Variants in SNTG2 observed in about 807,000 individuals in gnomAD.
SNTG2 encodes the protein gamma-2-syntrophin.
In SNTG2, 74 loss-of-function variants were observed where a neutral mutation model predicts 70.9. The observed-to-expected ratio is 1.04, with a 90% CI of 0.86 to 1.27. The LOEUF (loss-of-function observed/expected upper bound fraction) is 1.27, where lower values mean the gene tolerates loss of function less well. SNTG2 is among the 50% of genes most tolerant of loss of function. The pLI, the probability that SNTG2 is intolerant of heterozygous loss-of-function variation, is 0.00. For synonymous variants in SNTG2, 278 were observed against 273.8 expected (o/e 1.02, Z -0.15); for missense variants, 717 against 690.7 (o/e 1.04, Z -0.43).
intron 8 of SNTG2, among the ~76,000 whole-genome samples, chr2:1,186,406 A>T (rs1672254140): frequency 6.6e-6 from 1 of 152,222 alleles, no homozygotes; most frequent in Non-Finnish European, 1.5e-5. Flanking sequence ...TCTTTATAGC[A>T]ATACCTTAGC....
intron 4 of SNTG2, among the ~76,000 whole-genome samples, chr2:1,112,874 G>A (rs905554613): frequency 1.3e-5 from 2 of 151,462 alleles, no homozygotes; most frequent in South Asian, 2.1e-4. Flanking sequence ...GAGAAGAATC[G>A]TGTGTACTAA....
At chr2:1,286,267 C>A (rs756174449) in intron 14 of SNTG2, among the ~76,000 whole-genome samples, 7 of 152,148 alleles carry the variant, frequency 4.6e-5, no homozygotes, top group Non-Finnish European at 8.8e-5. Context: ...CCCCTTGATT[C>A]TTGGACCCGT....
chr2:1,069,655 A>G (rs566254629), intron 1 of SNTG2, among the ~76,000 whole-genome samples: 107 of 152,058 alleles, frequency 7.0e-4, no homozygotes, highest in African/African-American at 2.2e-3. Flanking sequence ...GCTGGGCAGG[A>G]TGACACGTGC....
chr2:1,122,739 AAAAG>A (rs1195317879), intron 4 of SNTG2, among the ~76,000 whole-genome samples: 3 of 119,842 alleles, frequency 2.5e-5, no homozygotes, highest in Non-Finnish European at 3.5e-5. Context: ...AAAAAAAAAA[AAAAG>A]GCATCCGAAT....
chr2:1,101,319 A>G (rs1185629239), intron 4 of SNTG2, among the ~76,000 whole-genome samples: 2 of 152,038 alleles, frequency 1.3e-5, no homozygotes, highest in African/African-American at 2.4e-5. Context: ...ATGAACTTAC[A>G]TGGTTCCTCC....
chr2:1,268,704 G>A (rs1678873968), intron 14 of SNTG2, among the ~76,000 whole-genome samples: 1 of 152,204 alleles, frequency 6.6e-6, no homozygotes, highest in Non-Finnish European at 1.5e-5. Context: ...TCATCTCAGG[G>A]ACTTACTCAA....
intron 16 of SNTG2, among the ~76,000 whole-genome samples, chr2:1,327,595 A>C (rs1364044340): frequency 1.3e-5 from 2 of 152,202 alleles, no homozygotes; most frequent in Non-Finnish European, 2.9e-5. Context: ...GGGACATTAG[A>C]CAAATCCAGC....
At chr2:1,012,083 A>G (rs554799473) in intron 1 of SNTG2, among the ~76,000 whole-genome samples, 1 of 152,244 alleles carries the variant, frequency 6.6e-6, no homozygotes, top group African/African-American at 2.4e-5. Flanking sequence ...TCTCTAAATC[A>G]TAAGCAAATT....
intron 9 of SNTG2, 114 bp downstream of exon 9, chr2:1,209,344 G>T: frequency 7.9e-7 from 1 of 1,268,288 alleles, no homozygotes; most frequent in South Asian, 1.4e-5. Flanking sequence ...GCAAGTGTGC[G>T]TGCTGTCTTC....
intron 14 of SNTG2, among the ~76,000 whole-genome samples, chr2:1,282,655 A>ATC: frequency 6.9e-6 from 1 of 145,636 alleles, no homozygotes; most frequent in South Asian, 2.3e-4. Flanking sequence ...TCCCTCCGGG[A>ATC]ACTCCCCCCG....
intron 12 of SNTG2, among the ~76,000 whole-genome samples, chr2:1,251,478 A>G (rs959798950): frequency 3.4e-5 from 5 of 146,314 alleles, no homozygotes; most frequent in Non-Finnish European, 4.5e-5. Flanking sequence ...CACACCACTC[A>G]TGCACACACC....
At position 1,083,556 on chromosome 2, in the gene SNTG2, C is replaced by G; in HGVS notation, c.111C>G (p.Ser37=). Reference sequence around the variant, plus strand: ...TTGCTCTGTTGTATGATGAAGAGTCCGAAAATGCCTATGACATCCGGCTGA... The same window carrying G: ...TTGCTCTGTTGTATGATGAAGAGTCGGAAAATGCCTATGACATCCGGCTGA... ...TTIALLYDEE[S]ENAYDIRLKL... is the part of the protein sequence containing the mutation. The change falls in exon 2 of 17, where the codon TCC becomes TCG. Residue 37 remains serine (S), a synonymous_variant. Transcript: ENST00000308624. 1 of 1,613,650 alleles carries G rather than the reference C, an allele frequency of 6.2e-7. No individual in the cohort carries two copies. The highest frequency in any genetic ancestry group is 8.5e-7 in the Non-Finnish European group (1 of 1,179,704).
At chr2:1,289,659 A>C (rs1207677913) in intron 14 of SNTG2, among the ~76,000 whole-genome samples, 2 of 152,222 alleles carry the variant, frequency 1.3e-5, no homozygotes, top group Non-Finnish European at 2.9e-5. Flanking sequence ...ACATCACATA[A>C]AACGTAACAC....
chr2:987,762 G>A lies in SNTG2; in HGVS notation c.72+36694G>A, dbSNP rs377661426. On this transcript the variant is annotated intron_variant, in intron 1 of 16. Transcript: ENST00000308624. ...GGAGAGAGGCCTGGAGGACAGGAGG[G>A]TTGATGGGGCCTCCGCAGATGAAGG... Among the ~76,000 whole-genome samples, 5 of 152,298 alleles carry A rather than the reference G, an allele frequency of 3.3e-5. No homozygotes were observed. In the South Asian group the frequency reaches 8.3e-4, roughly 25 times the overall value.
chr2:1,220,520 A>G (rs1674683414), intron 9 of SNTG2, among the ~76,000 whole-genome samples: 2 of 152,180 alleles, frequency 1.3e-5, no homozygotes, highest in Admixed American at 6.5e-5. Context: ...GGTTGATGAC[A>G]TGTGGGACTC....
At chr2:1,152,575 CATGTGT>C (rs750316092) in intron 6 of SNTG2, among the ~76,000 whole-genome samples, 122 of 149,470 alleles carry the variant, frequency 8.2e-4, no homozygotes, top group African/African-American at 2.9e-3. Flanking sequence ...TGCACATGTG[CATGTGT>C]GTGTGTGCAC....
intron 4 of SNTG2, among the ~76,000 whole-genome samples, chr2:1,109,578 C>G (rs570138688): frequency 1.3e-5 from 2 of 152,244 alleles, no homozygotes; most frequent in African/African-American, 4.8e-5. Flanking sequence ...AGTTTTACTC[C>G]GCTAACAAGG....
At chr2:1,089,433 G>C (rs544592610) in intron 2 of SNTG2, among the ~76,000 whole-genome samples, 4 of 152,294 alleles carry the variant, frequency 2.6e-5, no homozygotes, top group Non-Finnish European at 5.9e-5. Context: ...TTAGGAGTTT[G>C]AGACCAGCCT....
At chr2:1,019,894 T>G (rs1660064951) in intron 1 of SNTG2, among the ~76,000 whole-genome samples, 1 of 151,768 alleles carries the variant, frequency 6.6e-6, no homozygotes, top group Non-Finnish European at 1.5e-5. Flanking sequence ...AAAAGAAAAA[T>G]TAGCCGGGTG....
Sources: allele counts gnomAD v4.1 joint callset (sites outside exome capture counted in the v4.1 genomes callset), GRCh38; gene constraint gnomAD v4.1.1; transcripts MANE v1.5; gene names NCBI Gene and HGNC (gene_info 2026-07-23, HGNC 2026-07-21).